Variants in FRYL observed in about 807,000 individuals in gnomAD.
FRYL encodes the protein FRY like transcription coactivator, also known as protein furry homolog-like.
FRYL carries 150 observed loss-of-function variants against 351.2 expected under a neutral mutation model. That is an observed-to-expected ratio of 0.43 (90% CI 0.37 to 0.49). FRYL has a LOEUF of 0.49. Among genes scored for constraint, FRYL ranks in the 20% least tolerant of loss-of-function variants. The pLI, the probability that FRYL is intolerant of heterozygous loss-of-function variation, is 0.00. For missense variants in FRYL, 3,036 were observed against 3,619.3 expected (o/e 0.84, Z 4.13); for synonymous variants, 1,153 against 1,257.1 (o/e 0.92, Z 1.75).
At chr4:48,620,531 A>G (rs1750448642) in intron 6 of FRYL, 108 bp downstream of exon 6, 1 of 1,103,146 alleles carries the variant, frequency 9.1e-7, no homozygotes, top group Admixed American at 2.2e-5. Flanking sequence ...AAAGTAATCA[A>G]CGCAGTTTGC....
chr4:48,637,174 A>G (rs1452640908), intron 3 of FRYL: 4 of 152,164 alleles, frequency 2.6e-5, no homozygotes, highest in Non-Finnish European at 5.9e-5. Flanking sequence ...GACATGAACA[A>G]GCAAGTTACA....
intron 35 of FRYL, among the ~76,000 whole-genome samples, chr4:48,556,640 ACT>A (rs1734183726): frequency 6.6e-6 from 1 of 152,054 alleles, no homozygotes; most frequent in African/African-American, 2.4e-5. Context: ...TAGGTTTTTT[ACT>A]CTCAGAACTC....
chr4:48,538,290 A>G (rs1354300435), intron 47 of FRYL, among the ~76,000 whole-genome samples: 1 of 152,110 alleles, frequency 6.6e-6, no homozygotes, highest in East Asian at 1.9e-4. Context: ...AGCTAAAATA[A>G]TGGCTCTTTT....
Position 48,540,776 on chromosome 4 carries a change from T to C in FRYL, c.5872A>G (p.Asn1958Asp). 6.2e-7 allele frequency: 1 copy of C among 1,614,010 alleles called. No homozygotes were observed. The highest frequency in any genetic ancestry group is 8.5e-7 in the Non-Finnish European group (1 of 1,179,946). ...CGTCCATCCATTATATCCAGTGTGT[T>C]ACTCCGCCGCCGGTCACCTCGTCGG... is the stretch of plus-strand genomic sequence containing the variant. ...GDRRGDRRRS[N>D]TLDIMDGRIN... The change falls in exon 46 of 64, where the codon AAC (asparagine) becomes GAC (aspartate). Residue 1958 changes from asparagine (N) to aspartate (D), a missense_variant. By Grantham distance (23) the Asn-to-Asp change is conservative. Around this residue, in one of 7 missense-constraint regions of FRYL, gnomAD observed 1,987 missense variants for 2,311.7 expected, o/e 0.86. Transcript: ENST00000358350.
chr4:48,687,492 C>CGGGGGGGGGGGGGGAGGGGGGGG (rs561805370), intron 2 of FRYL, among the ~76,000 whole-genome samples: 1 of 46,566 alleles, frequency 2.1e-5, no homozygotes, highest in Admixed American at 2.8e-4. Context: ...CAAATGAGGT[C>CGGGGGGGGGGGGGGAGGGGGGGG]GGGGGGGGGG....
At chr4:48,608,902 G>A (rs1348688778) in intron 9 of FRYL, 85 bp downstream of exon 9, 11 of 828,552 alleles carry the variant, frequency 1.3e-5, no homozygotes, top group African/African-American at 1.0e-4. Flanking sequence ...GGTGGATTTC[G>A]AACTATCAGT....
intron 3 of FRYL, among the ~76,000 whole-genome samples, chr4:48,661,963 T>C (rs1219698313): frequency 2.6e-5 from 4 of 152,182 alleles, no homozygotes; most frequent in Non-Finnish European, 5.9e-5. Flanking sequence ...GAGGATAAGA[T>C]GCTGCCAAAG....
In FRYL at chr4:48,625,195, T is replaced by C. The variant is rs150323537; in HGVS notation, c.121-2016A>G. ...ACATACAAACACACACCCTATTGGT[T>C]CCATTTCTCTGGAGAACCCTGAACA... On this transcript the variant is annotated intron_variant, in intron 4 of 63. Coordinates refer to ENST00000358350, the MANE Select transcript of FRYL (RefSeq NM_015030.2). Among the ~76,000 whole-genome samples the C allele has an allele frequency of 1.9e-4, 29 of 152,298 alleles. No homozygotes were observed. The East Asian group carries it at 5.0e-3, about 26-fold the overall frequency.
At chr4:48,613,553 T>C (rs772630166) in intron 7 of FRYL, among the ~76,000 whole-genome samples, 2 of 152,188 alleles carry the variant, frequency 1.3e-5, no homozygotes, top group Admixed American at 6.5e-5. Flanking sequence ...TTGTTAACAG[T>C]CTTACAAGAC....
intron 1 of FRYL, among the ~76,000 whole-genome samples, chr4:48,739,309 G>A (rs536563773): frequency 3.3e-5 from 5 of 151,134 alleles, no homozygotes; most frequent in Non-Finnish European, 7.4e-5. Context: ...GCTGAGAAAG[G>A]AGAATTGCCT....
rs763330109 is a variant in FRYL at position 48,540,645 on chromosome 4, G to A, written c.6003C>T (p.Ala2001=). 1.2e-6 allele frequency: 2 copies of A among 1,613,842 alleles called. No individual in the cohort carries two copies. The highest frequency in any genetic ancestry group is 2.2e-5 in the South Asian group (2 of 91,074). Residue 2001 remains alanine, a synonymous_variant, in exon 46 of 64, where the codon GCC becomes GCT. Coordinates refer to ENST00000358350, the MANE Select transcript of FRYL (RefSeq NM_015030.2). ...AAGATGCTGCTATCCAAAAAATGGT[G>A]GCCATCAAGTTGGTAGGCTCAGTAG... ...QSTTEPTNLM[A]TIFWIAASLL...
At chr4:48,546,314 A>C (rs777000222) in intron 41 of FRYL, 43 bp from the exon 42 acceptor site, 1 of 1,411,604 alleles carries the variant, frequency 7.1e-7, no homozygotes, top group Non-Finnish European at 1.0e-6. Flanking sequence ...ACATGAAAGA[A>C]TCTCACAAAA....
intron 38 of FRYL, 24 bp downstream of exon 38, chr4:48,550,568 T>A (rs770533301): frequency 7.3e-7 from 1 of 1,369,608 alleles, no homozygotes; most frequent in Non-Finnish European, 1.0e-6. Context: ...TATAGTTATA[T>A]TAAAAACATT....
At chr4:48,587,440 C>G (rs1213742815) in intron 18 of FRYL, among the ~76,000 whole-genome samples, 1 of 151,668 alleles carries the variant, frequency 6.6e-6, no homozygotes, top group Non-Finnish European at 1.5e-5. Context: ...AAGGTGAGGC[C>G]TTTTAAATTT....
At chr4:48,509,234 T>C (rs1320391323) in intron 59 of FRYL, among the ~76,000 whole-genome samples, 1 of 152,206 alleles carries the variant, frequency 6.6e-6, no homozygotes, top group East Asian at 1.9e-4. Flanking sequence ...GGCTTGCATT[T>C]AGGATAAAGA....
intron 3 of FRYL, among the ~76,000 whole-genome samples, chr4:48,654,070 G>A (rs1208449653): frequency 6.6e-6 from 1 of 152,072 alleles, no homozygotes; most frequent in Non-Finnish European, 1.5e-5. Flanking sequence ...CTTTCTTTAT[G>A]CAGATATACA....
intron 47 of FRYL, among the ~76,000 whole-genome samples, chr4:48,538,112 G>A (rs994817048): frequency 1.4e-4 from 21 of 152,038 alleles, no homozygotes; most frequent in Admixed American, 3.9e-4. Flanking sequence ...GGTTTTAGGC[G>A]AGTAATCATT....
At chr4:48,729,407 G>A (rs1770474479) in intron 1 of FRYL, among the ~76,000 whole-genome samples, 1 of 152,204 alleles carries the variant, frequency 6.6e-6, no homozygotes. Flanking sequence ...CGGTGTTCGA[G>A]CTCTGATAAC....
At chr4:48,655,903 T>C (rs1479045006) in intron 3 of FRYL, among the ~76,000 whole-genome samples, 3 of 134,136 alleles carry the variant, frequency 2.2e-5, no homozygotes, top group East Asian at 4.2e-4. Context: ...TAATTCTATG[T>C]ACATTATATA....
Sources: allele counts gnomAD v4.1 joint callset (sites outside exome capture counted in the v4.1 genomes callset), GRCh38; gene constraint gnomAD v4.1.1; regional missense constraint gnomAD v4.1.1; transcripts MANE v1.5; gene names NCBI Gene and HGNC (gene_info 2026-07-23, HGNC 2026-07-21).